The following AFDN variants were observed in gnomAD, a reference collection of about 807,000 sequenced individuals.
AFDN encodes the protein afadin, adherens junction formation factor, also known as afadin.
Under a neutral mutation model 216.6 loss-of-function variants are expected in AFDN, and 68 were observed. That is an observed-to-expected ratio of 0.31 (90% CI 0.26 to 0.38). AFDN has a LOEUF of 0.38. AFDN is among the 10% of genes least tolerant of loss of function. AFDN has a pLI of 1.00. For missense variants in AFDN, 2,136 were observed against 2,342.0 expected, an observed-to-expected ratio of 0.91 and a Z score of 1.82; for synonymous variants, 868 against 853.7, an observed-to-expected ratio of 1.02 and a Z score of -0.29.
At chr6:167,950,774 C>CAGGAGGGTG (rs1795878549) in intron 29 of AFDN, among the ~76,000 whole-genome samples, 1 of 151,636 alleles carries the variant, frequency 6.6e-6, no homozygotes, top group Admixed American at 6.6e-5. Context: ...GCTGGGCACA[C>CAGGAGGGTG]AGGAGGGTGA....
Position 167,943,177 on chromosome 6 carries a change from G to C in AFDN, c.3148G>C (p.Gly1050Arg), listed in dbSNP as rs1163978735. ...LGIYVKSVVK[G>R]GAADVDGRLA... ...AATCTATGTGAAGTCGGTTGTGAAA[G>C]GAGGTGCTGCAGATGTGGTCAGTAT... is the stretch of plus-strand genomic sequence containing the variant. The change falls in exon 24 of 34, where the codon GGA becomes CGA. Residue 1050 changes from glycine (G) to arginine (R), a missense_variant. By Grantham distance (125) the Gly-to-Arg change is moderately radical (BLOSUM62 -2). Coordinates refer to ENST00000683244, the MANE Select transcript of AFDN (RefSeq NM_001386888.1). 1.2e-6 allele frequency: 2 copies of C among 1,613,912 alleles called. No individual in the cohort carries two copies. Among genetic ancestry groups the C allele is most frequent in the Admixed American group, 1.7e-5 (1 of 59,968 alleles).
rs759295564 is a variant in AFDN, at chr6:167,970,278, TC to T, written c.*347del. The T allele has an allele frequency of 3.5e-6, 1 of 283,844 alleles. No individual in the cohort carries two copies. Among genetic ancestry groups the T allele is most frequent in the South Asian group, 8.6e-5 (1 of 11,562 alleles). 17.6% of individuals were successfully genotyped at this position (283,844 alleles called of 1,614,324 possible). ...AATGGATGTGTCTTCTCTCCCATCT[TC>T]CCCTCATCATCGACCGAGGAGCACA... On this transcript the variant is annotated 3_prime_UTR_variant, in exon 34 of 34. Transcript: ENST00000683244.
chr6:167,905,120 C>A (rs1387075951), intron 12 of AFDN, among the ~76,000 whole-genome samples: 2 of 152,174 alleles, frequency 1.3e-5, no homozygotes, highest in South Asian at 4.1e-4. Flanking sequence ...TCTCAGACCT[C>A]AGCTTAAAGC....
Position 167,956,859 on chromosome 6 carries a change from T to C in AFDN, c.4833+4672T>C, listed in dbSNP as rs184050736. ...TCTCTCCTTTTCCTGCCGGGGTCACTGCGAGAGACTGGCAGGATCCCTCGG... is the reference window on the plus strand; with the variant it reads ...TCTCTCCTTTTCCTGCCGGGGTCACCGCGAGAGACTGGCAGGATCCCTCGG... On this transcript the variant is annotated intron_variant, in intron 30 of 33. Coordinates refer to ENST00000683244, the MANE Select transcript of AFDN (RefSeq NM_001386888.1). 3.9e-3 allele frequency among the ~76,000 whole-genome samples: 599 copies of C among 152,288 alleles called. 4 individuals carry two copies. The highest frequency in any genetic ancestry group is 0.014 in the African/African-American group (577 of 41,572).
intron 2 of AFDN, among the ~76,000 whole-genome samples, chr6:167,868,486 AAAAAC>A (rs527853781): frequency 1.4e-3 from 216 of 152,340 alleles, no homozygotes; most frequent in African/African-American, 4.8e-3. Flanking sequence ...GACTAATTGA[AAAAAC>A]AAAGACTTAA....
At chr6:167,927,428 C>G (rs1243453147) in intron 23 of AFDN, among the ~76,000 whole-genome samples, 3 of 152,072 alleles carry the variant, frequency 2.0e-5, no homozygotes, top group African/African-American at 7.2e-5. Flanking sequence ...TCTTGATTGA[C>G]AGGTTAAGGA....
chr6:167,947,352 T>TG (rs1450220578), intron 27 of AFDN, among the ~76,000 whole-genome samples: 1 of 152,092 alleles, frequency 6.6e-6, no homozygotes, highest in Non-Finnish European at 1.5e-5. Flanking sequence ...GCTAATTTTT[T>TG]GTATTTTTAG....
intron 15 of AFDN, chr6:167,912,306 A>G (rs1220712344): frequency 6.6e-6 from 1 of 152,220 alleles, no homozygotes; most frequent in Non-Finnish European, 1.5e-5. Context: ...GTTTTTCTGA[A>G]TCACTTGTCA....
At chr6:167,915,063 C>CG in intron 18 of AFDN, 105 bp from the exon 19 acceptor site, 1 of 1,167,768 alleles carries the variant, frequency 8.6e-7, no homozygotes, top group Non-Finnish European at 1.2e-6. Context: ...AGTAATTAAA[C>CG]GGCACTTACT....
intron 2 of AFDN, among the ~76,000 whole-genome samples, chr6:167,869,862 G>A (rs930275430): frequency 5.9e-5 from 9 of 152,192 alleles, no homozygotes; most frequent in African/African-American, 1.9e-4. Context: ...GTTGAAGTGG[G>A]CAAATTTTGG....
chr6:167,935,500 G>A (rs1223050475), intron 23 of AFDN, among the ~76,000 whole-genome samples: 2 of 152,164 alleles, frequency 1.3e-5, no homozygotes, highest in Non-Finnish European at 2.9e-5. Context: ...TTCCAAAATT[G>A]TACTTAATGA....
At position 167,890,888 on chromosome 6, in the gene AFDN, A is replaced by C; in HGVS notation, c.1036A>C (p.Arg346=). 6.2e-7 allele frequency: 1 copy of C among 1,613,252 alleles called. No individual in the cohort carries two copies. The highest frequency in any genetic ancestry group is 2.2e-5 in the East Asian group (1 of 44,838). Residue 346 remains arginine (R), a synonymous_variant, in exon 8 of 34, where the codon AGG becomes CGG. Transcript: ENST00000683244. ...GATTTTAGTCTTTCAGTTGAAGAGGAGGCCACCAGACCACATCCCAAAGAA... is the reference window on the plus strand; with the variant it reads ...GATTTTAGTCTTTCAGTTGAAGAGGCGGCCACCAGACCACATCCCAAAGAA... The part of the protein sequence containing the change: ...KGILVFQLKR[R]PPDHIPKKTK...
chr6:167,906,170 A>G (rs930956239), intron 12 of AFDN, among the ~76,000 whole-genome samples: 2 of 152,340 alleles, frequency 1.3e-5, no homozygotes, highest in African/African-American at 4.8e-5. Flanking sequence ...ATTTACAAGC[A>G]TAATTGTCTT....
At chr6:167,897,640 G>GC in intron 10 of AFDN, among the ~76,000 whole-genome samples, 1 of 101,652 alleles carries the variant, frequency 9.8e-6, no homozygotes, top group Non-Finnish European at 1.8e-5. Flanking sequence ...ATGACTGTAT[G>GC]CCTTTTTTTT....
At chr6:167,860,435 G>A (rs1341483929) in intron 1 of AFDN, among the ~76,000 whole-genome samples, 3 of 152,032 alleles carry the variant, frequency 2.0e-5, no homozygotes, top group African/African-American at 4.8e-5. Flanking sequence ...CCTAGAATAG[G>A]GAATAAAAGA....
At position 167,827,123 on chromosome 6, in the gene AFDN, G is replaced by A; in HGVS notation, c.-10G>A. 1 of 1,265,244 alleles carries A rather than the reference G, an allele frequency of 7.9e-7. No homozygotes were observed. Among genetic ancestry groups the A allele is most frequent in the South Asian group, 1.3e-5 (1 of 74,088 alleles). The allele number at this position is 1,265,244 out of a possible 1,614,324, so 78.4% of individuals were successfully genotyped here. A position where few individuals can be genotyped will look rare whatever the true frequency, so the allele number is the denominator to read the frequency against. Reference sequence around the variant, plus strand: ...CGGCCCCGCGCGGCTGAGGAGGCGCGGCCAGGACCATGTCGGCGGGCGGCC... The same window carrying A: ...CGGCCCCGCGCGGCTGAGGAGGCGCAGCCAGGACCATGTCGGCGGGCGGCC... On this transcript the variant is annotated 5_prime_UTR_variant, in exon 1 of 34. Coordinates refer to ENST00000683244, the MANE Select transcript of AFDN (RefSeq NM_001386888.1).
chr6:167,843,128 T>C (rs924442981), intron 1 of AFDN, among the ~76,000 whole-genome samples: 2 of 152,210 alleles, frequency 1.3e-5, no homozygotes, highest in Non-Finnish European at 2.9e-5. Context: ...ATTGCTCCAG[T>C]ATTCTCTCTT....
intron 30 of AFDN, among the ~76,000 whole-genome samples, chr6:167,961,398 G>A (rs370178001): frequency 3.3e-5 from 5 of 152,196 alleles, no homozygotes; most frequent in East Asian, 1.9e-4. Context: ...GAAAAGCTGC[G>A]TGTATCCAAG....
At chr6:167,852,722 C>T (rs561357351) in intron 1 of AFDN, among the ~76,000 whole-genome samples, 1 of 152,190 alleles carries the variant, frequency 6.6e-6, no homozygotes, top group African/African-American at 2.4e-5. Context: ...GAGTTGGTTG[C>T]TCTAGTTACC....
Sources: gnomAD v4.1 joint callset for allele counts (sites outside exome capture counted in the v4.1 genomes callset) on GRCh38, gnomAD v4.1.1 for gene constraint, MANE v1.5 for transcripts, NCBI Gene and HGNC (gene_info 2026-07-23, HGNC 2026-07-21) for gene names.